Variants in SFTPD observed in about 807,000 individuals in gnomAD.
SFTPD encodes the protein pulmonary surfactant-associated protein D.
In SFTPD, 18 loss-of-function variants were observed where a neutral mutation model predicts 34.6. The observed-to-expected ratio is 0.52, with a 90% CI of 0.36 to 0.77. The LOEUF (loss-of-function observed/expected upper bound fraction) is 0.77, where lower values mean the gene tolerates loss of function less well. Among genes scored for constraint, SFTPD ranks in the 30% least tolerant of loss-of-function variants. SFTPD has a pLI of 0.00. For synonymous variants in SFTPD, 155 were observed against 180.9 expected (o/e 0.86, Z 1.15); for missense variants, 433 against 468.9 (o/e 0.92, Z 0.71).
At chr10:79,963,481 A>G (rs1159215297) in intron 1 of SFTPD, among the ~76,000 whole-genome samples, 1 of 152,188 alleles carries the variant, frequency 6.6e-6, no homozygotes, top group Non-Finnish European at 1.5e-5. Context: ...CAGAGTACCT[A>G]TCCTAGCATA....
At chr10:79,964,705 T>C (rs959918417) in intron 1 of SFTPD, among the ~76,000 whole-genome samples, 1 of 152,294 alleles carries the variant, frequency 6.6e-6, no homozygotes, top group East Asian at 1.9e-4. Flanking sequence ...TCTGCTATTC[T>C]ACTACTCCTC....
intron 1 of SFTPD, among the ~76,000 whole-genome samples, chr10:79,957,168 G>C (rs1394117723): frequency 2.0e-5 from 3 of 148,976 alleles, no homozygotes; most frequent in African/African-American, 7.4e-5. Flanking sequence ...CATCGTCAAA[G>C]ACCAAAAGTA....
Position 79,938,031 on chromosome 10 carries a change from C to T in SFTPD, c.949G>A (p.Asp317Asn). Residue 317 changes from aspartate (D) to asparagine (N), a missense_variant, in exon 8 of 8, where the codon GAT becomes AAT. Physicochemically the swap from Asp to Asn is conservative, Grantham distance 23. Coordinates refer to ENST00000372292, the MANE Select transcript of SFTPD (RefSeq NM_003019.5). ...GTGAACTTGCCCTCTGTCTTGGAAT[C>T]AGTCATGCTCAGGAAAGCAGCCTCG... ...KNEAAFLSMT[D>N]SKTEGKFTYP... The T allele has an allele frequency of 6.2e-7, 1 of 1,614,008 alleles. No homozygotes were observed. The highest frequency in any genetic ancestry group is 8.5e-7 in the Non-Finnish European group (1 of 1,179,888).
At chr10:79,954,683 C>G (rs1842729106) in intron 1 of SFTPD, among the ~76,000 whole-genome samples, 1 of 152,090 alleles carries the variant, frequency 6.6e-6, no homozygotes, top group South Asian at 2.1e-4. Context: ...GTTCTGTTGA[C>G]TAGCCTTCTA....
chr10:79,957,427 A>G (rs922676513), intron 1 of SFTPD, among the ~76,000 whole-genome samples: 6 of 152,238 alleles, frequency 3.9e-5, no homozygotes, highest in African/African-American at 1.4e-4. Context: ...ATGGATAACT[A>G]GAATAACCAA....
chr10:79,976,132 T>C (rs4255480), intron 1 of SFTPD, among the ~76,000 whole-genome samples: 7,941 of 152,300 alleles, frequency 0.052, 296 homozygotes, highest in East Asian at 0.15. Context: ...CTGGATACAG[T>C]GGCCTTAAGA....
At chr10:79,951,439 G>A (rs17879306), upstream of SFTPD, among the ~76,000 whole-genome samples, 3,826 of 152,302 alleles carry the variant, frequency 0.025, 91 homozygotes, top group East Asian at 0.15. Flanking sequence ...TCACAGCTCT[G>A]TATGAGTTCC....
At chr10:79,942,220 G>T (rs370345985) in intron 4 of SFTPD, 150 bp from the exon 5 acceptor site, 18 of 749,272 alleles carry the variant, frequency 2.4e-5, no homozygotes, top group East Asian at 2.2e-4. Context: ...TCTGTGGAGG[G>T]TGAGAGGAAA....
intron 1 of SFTPD, among the ~76,000 whole-genome samples, chr10:79,974,700 C>G (rs1036507466): frequency 6.6e-6 from 1 of 152,230 alleles, no homozygotes; most frequent in African/African-American, 2.4e-5. Context: ...CCTCATCACA[C>G]CCTTCTATTC....
intron 2 of SFTPD, among the ~76,000 whole-genome samples, chr10:79,943,691 C>G (rs1258957367): frequency 6.6e-6 from 1 of 152,168 alleles, no homozygotes; most frequent in African/African-American, 2.4e-5. Flanking sequence ...CCCAGCAGCA[C>G]CACCACCTGG....
chr10:79,941,879 G>T (rs565949710), intron 5 of SFTPD, 75 bp downstream of exon 5: 50 of 918,416 alleles, frequency 5.4e-5, no homozygotes, highest in Admixed American at 3.0e-4. Context: ...TGGTGGAGGG[G>T]GTGTAGGCAT....
At chr10:79,943,212 T>C (rs1450554493) in intron 2 of SFTPD, among the ~76,000 whole-genome samples, 1 of 152,092 alleles carries the variant, frequency 6.6e-6, no homozygotes, top group East Asian at 1.9e-4. Context: ...ATTCCATATA[T>C]ATATATTAGG....
chr10:79,982,063 G>C (rs1589345973), intron 1 of SFTPD: 1 of 299,026 alleles, frequency 3.3e-6, no homozygotes, highest in Admixed American at 5.4e-5. Flanking sequence ...ACGTGCGGGG[G>C]GTCTCTCTGG....
At chr10:79,942,155 C>G in intron 4 of SFTPD, 85 bp from the exon 5 acceptor site, 1 of 988,512 alleles carries the variant, frequency 1.0e-6, no homozygotes, top group Non-Finnish European at 1.6e-6. Flanking sequence ...TTTTTGCCCG[C>G]AACTTTAGGG....
chr10:79,946,710 C>G (rs1218809330), intron 1 of SFTPD, 48 bp from the exon 2 acceptor site: 32 of 1,549,902 alleles, frequency 2.1e-5, no homozygotes, highest in African/African-American at 2.7e-5. Context: ...GCTTCATGGA[C>G]ATGGTTTAGG....
chr10:79,942,136 C>A, intron 4 of SFTPD, 66 bp from the exon 5 acceptor site: 1 of 1,216,430 alleles, frequency 8.2e-7, no homozygotes, highest in Non-Finnish European at 1.2e-6. Flanking sequence ...GTTTTGTTAG[C>A]AATGGAGCTT....
chr10:79,948,649 G>T (rs1483005730), intron 1 of SFTPD, among the ~76,000 whole-genome samples: 1 of 152,204 alleles, frequency 6.6e-6, no homozygotes, highest in African/African-American at 2.4e-5. Context: ...TCCACAGGCT[G>T]TTGGCACCAG....
intron 1 of SFTPD, among the ~76,000 whole-genome samples, chr10:79,960,372 G>A (rs1485334656): frequency 1.3e-5 from 2 of 150,942 alleles, no homozygotes; most frequent in African/African-American, 4.9e-5. Flanking sequence ...TTTGCAGATG[G>A]CATGATTGTA....
intron 1 of SFTPD, among the ~76,000 whole-genome samples, chr10:79,964,103 C>T (rs1162754728): frequency 6.6e-6 from 1 of 152,148 alleles, no homozygotes; most frequent in Non-Finnish European, 1.5e-5. Context: ...CCTCCACTAC[C>T]TCTCAGCAAG....
Sources: gnomAD v4.1 joint callset for allele counts (sites outside exome capture counted in the v4.1 genomes callset) on GRCh38, gnomAD v4.1.1 for gene constraint, MANE v1.5 for transcripts, NCBI Gene and HGNC (gene_info 2026-07-23, HGNC 2026-07-21) for gene names.